Variants in DPP6 observed in about 807,000 individuals in gnomAD.
DPP6 encodes A-type potassium channel modulatory protein DPP6.
In DPP6, 69 loss-of-function variants were observed where a neutral mutation model predicts 122.6. The observed-to-expected ratio is 0.56, with a 90% CI of 0.46 to 0.69. The LOEUF (loss-of-function observed/expected upper bound fraction) is 0.69. DPP6 is among the 30% of genes least tolerant of loss of function. DPP6 has a pLI of 0.00. For missense variants in DPP6, 928 were observed against 1,116.9 expected, an observed-to-expected ratio of 0.83 and a Z score of 2.41; for synonymous variants, 418 against 433.1, an observed-to-expected ratio of 0.97 and a Z score of 0.43.
At chr7:154,579,617 G>C (rs1188529784) in intron 5 of DPP6, among the ~76,000 whole-genome samples, 1 of 152,202 alleles carries the variant, frequency 6.6e-6, no homozygotes, top group African/African-American at 2.4e-5. Context: ...CTTGCACCTT[G>C]AGTTAGGGTT....
chr7:153,761,977 G>A, the DPP6 span, among the ~76,000 whole-genome samples: 1 of 152,098 alleles, frequency 6.6e-6, no homozygotes, highest in Non-Finnish European at 1.5e-5. Context: ...TGGTCAGTGT[G>A]GTTTAGGTAG....
chr7:153,866,969 G>A, the DPP6 span, among the ~76,000 whole-genome samples: 2 of 152,098 alleles, frequency 1.3e-5, no homozygotes, highest in African/African-American at 4.8e-5. Flanking sequence ...TAGATATGTG[G>A]CATTATTTCT....
At position 154,803,205 on chromosome 7, in the gene DPP6, C is replaced by A. The variant is rs537905686; in HGVS notation, c.1408-659C>A. ...TGCGCCCACCTCCCAGGGCATCTGC[C>A]TTCCAGAACAGCTGCCCATTTCAAA... On this transcript the variant is annotated intron_variant, in intron 13 of 25. Transcript: ENST00000377770. Among the ~76,000 whole-genome samples, 32 of 152,342 alleles carry A rather than the reference C, an allele frequency of 2.1e-4. No homozygotes were observed. In the South Asian group the frequency reaches 6.4e-3, roughly 31 times the overall value.
chr7:154,024,109 A>G (rs191057631), intron 1 of DPP6, among the ~76,000 whole-genome samples: 10 of 152,298 alleles, frequency 6.6e-5, no homozygotes, highest in African/African-American at 1.9e-4. Flanking sequence ...CAGCTGTAAA[A>G]TATCTCTTTA....
intron 1 of DPP6, among the ~76,000 whole-genome samples, chr7:154,005,299 C>CTATCCAGGA (rs1797865408): frequency 1.3e-5 from 2 of 152,192 alleles, no homozygotes; most frequent in African/African-American, 4.8e-5. Flanking sequence ...TTGGCTGGTC[C>CTATCCAGGA]TATCCAGGGC....
intron 6 of DPP6, among the ~76,000 whole-genome samples, chr7:154,650,621 T>A (rs556986004): frequency 2.0e-5 from 3 of 152,106 alleles, no homozygotes; most frequent in South Asian, 4.2e-4. Flanking sequence ...GTTGATTGAG[T>A]CGAGCTGTCT....
In DPP6 at chr7:154,106,809, G is replaced by A. The variant is rs952495684; in HGVS notation, c.243+53746G>A. 1.1e-4 allele frequency among the ~76,000 whole-genome samples: 17 copies of A among 152,118 alleles called. No homozygotes were observed. In the East Asian group the frequency reaches 1.5e-3, roughly 14 times the overall value. ...AGTTGAGACCCATGTGGGGAGGGAC[G>A]GATGAAGGTTCAGATCAGGGGCCTC... On this transcript the variant is annotated intron_variant, in intron 1 of 25. Transcript: ENST00000377770.
At chr7:153,887,596 G>GC in exon 1 of DPP6, 1 of 1,509,802 alleles carries the variant, frequency 6.6e-7, no homozygotes, top group East Asian at 2.3e-5. Context: ...CCAGTCTTCA[G>GC]CCAGTCCAGT....
At position 154,095,414 on chromosome 7, in the gene DPP6, C is replaced by T. The variant is rs557335958; in HGVS notation, c.243+42351C>T. On this transcript the variant is annotated intron_variant, in intron 1 of 25. Coordinates refer to ENST00000377770, the MANE Select transcript of DPP6 (RefSeq NM_130797.4). ...AAAGTCTAAATTAAAAGAACGTTTC[C>T]CGCAGGGGGCGCTCTTTTTTGGATC... is the stretch of plus-strand genomic sequence containing the variant. 121 of 142,300 alleles carry T rather than the reference C, an allele frequency of 8.5e-4. 4 individuals carry two copies. The highest frequency in any genetic ancestry group is 2.9e-3 in the African/African-American group (117 of 40,352). 8.8% of individuals were successfully genotyped at this position (142,300 alleles called of 1,614,324 possible). A position where few individuals can be genotyped will look rare whatever the true frequency, so the allele number is the denominator to read the frequency against.
At chr7:154,576,409 T>C (rs1428316133) in intron 5 of DPP6, among the ~76,000 whole-genome samples, 1 of 152,188 alleles carries the variant, frequency 6.6e-6, no homozygotes, top group Non-Finnish European at 1.5e-5. Context: ...TCAGGGCCTT[T>C]GAACTCATGG....
chr7:154,076,161 A>T (rs997477841), intron 1 of DPP6, among the ~76,000 whole-genome samples: 2 of 152,042 alleles, frequency 1.3e-5, no homozygotes, highest in African/African-American at 4.8e-5. Context: ...TTTTTTTTTA[A>T]AAAAAAGGCT....
chr7:154,676,720 T>A (rs570541378), intron 7 of DPP6, among the ~76,000 whole-genome samples: 1 of 152,304 alleles, frequency 6.6e-6, no homozygotes, highest in South Asian at 2.1e-4. Flanking sequence ...TATTTTAAGG[T>A]GTACACAGGC....
chr7:154,575,441 G>GGTGTGTGTGTGTGGGGGGT (rs1563879589), intron 5 of DPP6, among the ~76,000 whole-genome samples: 1 of 37,954 alleles, frequency 2.6e-5, no homozygotes, highest in South Asian at 8.8e-4. Flanking sequence ...GTATGTGTGT[G>GGTGTGTGTGTGTGGGGGGT]GTGTGTGTAT....
intron 5 of DPP6, among the ~76,000 whole-genome samples, chr7:154,615,058 T>C (rs1834150650): frequency 6.6e-6 from 1 of 152,152 alleles, no homozygotes; most frequent in Non-Finnish European, 1.5e-5. Flanking sequence ...ACTTAGTGTG[T>C]GTTTTCTGGG....
At chr7:154,777,513 G>A (rs761715608) in intron 10 of DPP6, among the ~76,000 whole-genome samples, 1 of 152,140 alleles carries the variant, frequency 6.6e-6, no homozygotes, top group Non-Finnish European at 1.5e-5. Flanking sequence ...GCAAATCGCT[G>A]TGCTGTGGTT....
chr7:154,283,978 G>A (rs1253704441), intron 1 of DPP6, among the ~76,000 whole-genome samples: 7 of 152,142 alleles, frequency 4.6e-5, no homozygotes, highest in African/African-American at 9.7e-5. Flanking sequence ...ATGGCTTTTC[G>A]CTTTACAAGT....
intron 7 of DPP6, among the ~76,000 whole-genome samples, chr7:154,698,752 A>G (rs1840354254): frequency 6.6e-6 from 1 of 152,210 alleles, no homozygotes; most frequent in African/African-American, 2.4e-5. Flanking sequence ...AAGACAGCGG[A>G]AATCGGAAAT....
At chr7:153,966,996 G>C (rs1432118438) in intron 1 of DPP6, among the ~76,000 whole-genome samples, 1 of 150,508 alleles carries the variant, frequency 6.6e-6, no homozygotes, top group Non-Finnish European at 1.5e-5. Context: ...AGCCCATGGA[G>C]GTCAAGACTG....
chr7:154,668,195 T>TATA (rs1838286972), intron 6 of DPP6, among the ~76,000 whole-genome samples: 1 of 22,540 alleles, frequency 4.4e-5, no homozygotes, highest in Admixed American at 9.3e-4. Flanking sequence ...TATGTGTATA[T>TATA]TTTATATATA....
Sources: gnomAD v4.1 joint callset for allele counts (sites outside exome capture counted in the v4.1 genomes callset) on GRCh38, gnomAD v4.1.1 for gene constraint, MANE v1.5 for transcripts, NCBI Gene and HGNC (gene_info 2026-07-23, HGNC 2026-07-21) for gene names.